Variants in SH3BP1 observed in about 807,000 individuals in gnomAD.
The protein encoded by SH3BP1 is SH3 domain binding protein 1, also known as SH3 domain-binding protein 1.
Under a neutral mutation model 69.8 loss-of-function variants are expected in SH3BP1, and 46 were observed. The ratio of observed to expected loss-of-function variants is 0.66; its 90% confidence interval spans 0.52 to 0.84. The LOEUF is 0.84. Among genes scored for constraint, SH3BP1 ranks in the 40% least tolerant of loss-of-function variants. The pLI, the probability that SH3BP1 is intolerant of heterozygous loss-of-function variation, is 0.00. For missense variants in SH3BP1, 868 were observed against 930.9 expected (o/e 0.93, Z 0.88); for synonymous variants, 403 against 378.0 (o/e 1.07, Z -0.77).
chr22:37,654,821 C>A (rs1932971313), intron 17 of SH3BP1, among the ~76,000 whole-genome samples: 1 of 151,944 alleles, frequency 6.6e-6, no homozygotes, highest in South Asian at 2.1e-4. Flanking sequence ...TAAAAATGAA[C>A]AAGATAGGCC....
intron 6 of SH3BP1, 63 bp downstream of exon 6, chr22:37,643,237 C>T: frequency 7.1e-7 from 1 of 1,405,598 alleles, no homozygotes; most frequent in Non-Finnish European, 9.9e-7. Context: ...GGTCATAGAG[C>T]TTTGAGGCCC....
chr22:37,654,602 G>C (rs1285885181), intron 17 of SH3BP1, among the ~76,000 whole-genome samples: 1 of 151,970 alleles, frequency 6.6e-6, no homozygotes, highest in Admixed American at 6.6e-5. Flanking sequence ...GGCAGTGGCA[G>C]TGAAGGAGAG....
In SH3BP1 at chr22:37,647,367, G is replaced by A. The variant is rs1225850009; in HGVS notation, c.1118+19G>A. ...CAGCCAGGTGAGGATGTTGGAGGAG[G>A]GAGGGGATGGGGAGGAGGAGGATGC... On this transcript the variant is annotated intron_variant, in intron 12 of 17. Coordinates refer to ENST00000649765, the MANE Select transcript of SH3BP1 (RefSeq NM_018957.6). 7 of 1,613,540 alleles carry A rather than the reference G, an allele frequency of 4.3e-6. No individual in the cohort carries two copies. The highest frequency in any genetic ancestry group is 5.9e-6 in the Non-Finnish European group (7 of 1,179,626).
chr22:37,644,987 CA>C (rs1932757623), intron 9 of SH3BP1, 27 bp downstream of exon 9: 15 of 1,594,798 alleles, frequency 9.4e-6, no homozygotes, highest in Non-Finnish European at 1.3e-5. Flanking sequence ...GGCGATACCA[CA>C]CCCCTGACCC....
At chr22:37,648,515 G>C in intron 14 of SH3BP1, 80 bp downstream of exon 14, 1 of 1,013,532 alleles carries the variant, frequency 9.9e-7, no homozygotes. Flanking sequence ...TTTTCCCCGG[G>C]GCCTTGGTGT....
chr22:37,646,258 C>T lies in SH3BP1; in HGVS notation c.925-560C>T, dbSNP rs538319654. Among the ~76,000 whole-genome samples, 12 of 147,016 alleles carry T rather than the reference C, an allele frequency of 8.2e-5. No individual in the cohort carries two copies. The East Asian group carries it at 1.8e-3, about 22-fold the overall frequency. On this transcript the variant is annotated intron_variant, in intron 10 of 17. Coordinates refer to ENST00000649765, the MANE Select transcript of SH3BP1 (RefSeq NM_018957.6). ...GGTTGCAGGCATGAGCCACTGCGCC[C>T]GACCCTTTTTTTTTTTTTGAGACAG...
chr22:37,650,375 A>G, intron 15 of SH3BP1, 126 bp downstream of exon 15: 1 of 1,490,840 alleles, frequency 6.7e-7, no homozygotes, highest in Non-Finnish European at 9.0e-7. Flanking sequence ...TCATTTTTAC[A>G]ACGGGGATGG....
intron 14 of SH3BP1, among the ~76,000 whole-genome samples, chr22:37,649,644 C>T (rs902275759): frequency 1.1e-4 from 17 of 151,916 alleles, no homozygotes; most frequent in African/African-American, 2.4e-4. Context: ...ATTATCTGGG[C>T]GTGGTGGTAC....
chr22:37,642,558 C>G lies in SH3BP1; in HGVS notation c.227C>G (p.Ala76Gly). ...DKRVKKLPLMALSTTMAESFK... is the reference protein window; with the variant it reads ...DKRVKKLPLMGLSTTMAESFK... Reference sequence around the variant, plus strand: ...CTGCAGAAGAAGCTTCCCCTCATGGCTCTGTCCACCACGATGGCTGAGAGC... The same window carrying G: ...CTGCAGAAGAAGCTTCCCCTCATGGGTCTGTCCACCACGATGGCTGAGAGC... Residue 76 changes from alanine to glycine, a missense_variant, in exon 4 of 18, where the codon GCT becomes GGT. Ala to Gly is a moderately conservative substitution (Grantham distance 60, BLOSUM62 0). Around this residue, in one of 3 missense-constraint regions of SH3BP1, gnomAD observed 387 missense variants for 447.9 expected, o/e 0.86. Coordinates refer to ENST00000649765, the MANE Select transcript of SH3BP1 (RefSeq NM_018957.6). 6.2e-7 allele frequency: 1 copy of G among 1,613,322 alleles called. No homozygotes were observed. The highest frequency in any genetic ancestry group is 8.5e-7 in the Non-Finnish European group (1 of 1,179,984).
intron 3 of SH3BP1, among the ~76,000 whole-genome samples, chr22:37,641,679 C>T (rs1202179332): frequency 6.6e-6 from 1 of 152,210 alleles, no homozygotes; most frequent in Non-Finnish European, 1.5e-5. Flanking sequence ...CTTCCCTGTG[C>T]ACCAGTTCCC....
Position 37,641,433 on chromosome 22 carries a change from G to C in SH3BP1, c.162G>C (p.Gln54His). 1.2e-5 allele frequency: 18 copies of C among 1,551,224 alleles called. No individual in the cohort carries two copies. Among genetic ancestry groups the C allele is most frequent in the Non-Finnish European group, 1.5e-5 (17 of 1,147,132 alleles). ...RAAHNIHKRL[Q>H]ACLQGQSGAD... ...CCCACAACATCCACAAGCGGCTGCA[G>C]GCCTGTCTGCAGGGCCAGAGCGGGG... Residue 54 changes from glutamine to histidine, a missense_variant, in exon 3 of 18, where the codon CAG (glutamine) becomes CAC (histidine). Coordinates refer to ENST00000649765, the MANE Select transcript of SH3BP1 (RefSeq NM_018957.6).
intron 6 of SH3BP1, 165 bp from the exon 7 acceptor site, chr22:37,643,479 C>A: frequency 2.0e-6 from 2 of 981,904 alleles, no homozygotes; most frequent in Non-Finnish European, 3.0e-6. Flanking sequence ...CAGGGGGCAA[C>A]CCAGAGCACT....
intron 13 of SH3BP1, 29 bp from the exon 14 acceptor site, chr22:37,648,290 C>T (rs1299374909): frequency 2.0e-6 from 3 of 1,507,812 alleles, no homozygotes; most frequent in Non-Finnish European, 2.7e-6. Flanking sequence ...TGCGTTCTGC[C>T]CCTGGCCTAA....
Position 37,655,497 on chromosome 22 carries a change from C to T in SH3BP1, c.1919C>T (p.Ala640Val). The T allele has an allele frequency of 1.3e-6, 2 of 1,554,988 alleles. No homozygotes were observed. The highest frequency in any genetic ancestry group is 2.4e-5 in the East Asian group (1 of 41,700). Residue 640 changes from alanine to valine, a missense_variant, in exon 18 of 18, where the codon GCC becomes GTC. By Grantham distance (64) the Ala-to-Val change is moderately conservative. Around this residue, in one of 3 missense-constraint regions of SH3BP1, gnomAD observed 474 missense variants for 462.3 expected, o/e 1.03. Transcript: ENST00000649765. The part of the protein sequence containing the change: ...PARRQSRRSP[A>V]SPSPASPGPA... ...CGGCGCCAAAGCCGGCGTTCACCAG[C>T]CTCCCCCAGCCCGGCCTCCCCAGGT... is the stretch of plus-strand genomic sequence containing the variant.
At position 37,640,838 on chromosome 22, in the gene SH3BP1, GC is replaced by G. The variant is rs150081899; in HGVS notation, c.60-284del. On this transcript the variant is annotated intron_variant, in intron 1 of 17. Coordinates refer to ENST00000649765, the MANE Select transcript of SH3BP1 (RefSeq NM_018957.6). The stretch of plus-strand genomic sequence containing the variant: ...AGAGGCTTCTGTGTCCCAAAGCTGG[GC>G]CCCGGGTGGGTCTCTCAGCCTCCCC... 2.7e-3 allele frequency: 1,331 copies of G among 487,278 alleles called. 18 individuals are homozygous for G. Among genetic ancestry groups the G allele is most frequent in the African/African-American group, 0.025 (1,235 of 49,996 alleles). The allele number at this position is 487,278 out of a possible 1,614,324, so 30.2% of individuals were successfully genotyped here.
Position 37,642,904 on chromosome 22 carries a change from G to A in SH3BP1, c.294G>A (p.Leu98=), listed in dbSNP as rs1601581409. Residue 98 remains leucine (L), a synonymous_variant, in exon 5 of 18, where the codon TTG becomes TTA. Transcript: ENST00000649765. Reference sequence around the variant, plus strand: ...GGTGCCGTGTCCACAGGAAGGCCTTGGAGATGAGCTGTGCCATCCAGAATC... The same window carrying A: ...GGTGCCGTGTCCACAGGAAGGCCTTAGAGATGAGCTGTGCCATCCAGAATC... ...LDPDSSMGKA[L]EMSCAIQNQL... 2.5e-6 allele frequency: 4 copies of A among 1,612,596 alleles called. No homozygotes were observed. Among genetic ancestry groups the A allele is most frequent in the Non-Finnish European group, 3.4e-6 (4 of 1,179,954 alleles).
intron 8 of SH3BP1, 27 bp from the exon 9 acceptor site, chr22:37,644,843 G>T: frequency 6.2e-7 from 1 of 1,612,772 alleles, no homozygotes; most frequent in Non-Finnish European, 8.5e-7. Flanking sequence ...CCCCACTTCC[G>T]CTCAGGGTGT....
In SH3BP1 at chr22:37,646,884, C is replaced by T. The variant is rs373775839; in HGVS notation, c.991C>T (p.Pro331Ser). The part of the protein sequence containing the change: ...KRLKQTMASD[P>S]HSLEEFCSDP... ...TCTCAAGCAGACAATGGCCTCGGAC[C>T]CCCACAGCCTGGAGGAGTTCTGCTC... Residue 331 changes from proline (P) to serine (S), a missense_variant, in exon 11 of 18, where the codon CCC (proline) becomes TCC (serine). Pro to Ser is a moderately conservative substitution (Grantham distance 74). Coordinates refer to ENST00000649765, the MANE Select transcript of SH3BP1 (RefSeq NM_018957.6). The T allele has an allele frequency of 6.4e-7, 1 of 1,563,766 alleles. No homozygotes were observed. The highest frequency in any genetic ancestry group is 8.6e-7 in the Non-Finnish European group (1 of 1,157,184).
At chr22:37,647,200 C>A in intron 11 of SH3BP1, 67 bp from the exon 12 acceptor site, 1 of 1,387,842 alleles carries the variant, frequency 7.2e-7, no homozygotes, top group South Asian at 1.2e-5. Context: ...GCCGGAGGTT[C>A]CTTCTACAGG....
Sources: gnomAD v4.1 joint callset for allele counts (sites outside exome capture counted in the v4.1 genomes callset) on GRCh38, gnomAD v4.1.1 for gene constraint, gnomAD v4.1.1 regional missense constraint, MANE v1.5 for transcripts, NCBI Gene and HGNC (gene_info 2026-07-23, HGNC 2026-07-21) for gene names.